FHIT: variants seen among roughly 807,000 people sequenced by gnomAD.
FHIT encodes the protein fragile histidine triad diadenosine triphosphatase.
A neutral mutation model predicts 17.9 loss-of-function variants in FHIT; 19 were observed. The observed-to-expected ratio is 1.06, with a 90% CI of 0.74 to 1.56. FHIT has a LOEUF of 1.56. FHIT is among the 40% of genes most tolerant of loss of function. FHIT has a pLI of 0.00. For synonymous variants in FHIT, 81 were observed against 69.7 expected, an observed-to-expected ratio of 1.16 and a Z score of -0.81; for missense variants, 248 against 189.2, an observed-to-expected ratio of 1.31 and a Z score of -1.82.
chr3:60,557,220 C>T lies in FHIT; in HGVS notation c.-17-20241G>A, dbSNP rs553083099. 5.3e-5 allele frequency among the ~76,000 whole-genome samples: 8 copies of T among 152,228 alleles called. No individual in the cohort carries two copies. In the East Asian group the frequency reaches 9.6e-4, roughly 18 times the overall value. On this transcript the variant is annotated intron_variant, in intron 4 of 9. Coordinates refer to ENST00000492590, the MANE Select transcript of FHIT (RefSeq NM_002012.4). ...TTTAAGTCCCTTGCCCAAGTACACA[C>T]GGAAGCAAGTGATGGAGCCGAGATT...
intron 5 of FHIT, among the ~76,000 whole-genome samples, chr3:60,299,726 C>G (rs756502688): frequency 3.1e-4 from 47 of 152,068 alleles, no homozygotes; most frequent in Non-Finnish European, 6.2e-4. Context: ...AATTCTGGCT[C>G]TCTACTTGGC....
At chr3:60,410,993 G>T (rs1702039600) in intron 5 of FHIT, among the ~76,000 whole-genome samples, 1 of 152,104 alleles carries the variant, frequency 6.6e-6, no homozygotes, top group Admixed American at 6.6e-5. Flanking sequence ...AGAAAAATTG[G>T]AGTAGTGTGC....
intron 5 of FHIT, among the ~76,000 whole-genome samples, chr3:60,117,978 T>G (rs1333034829): frequency 6.6e-6 from 1 of 152,174 alleles, no homozygotes; most frequent in African/African-American, 2.4e-5. Flanking sequence ...TGTTAAAAGA[T>G]GGGATTCTGA....
At chr3:60,754,825 C>A (rs1195815211) in intron 4 of FHIT, among the ~76,000 whole-genome samples, 1 of 152,130 alleles carries the variant, frequency 6.6e-6, no homozygotes, top group Non-Finnish European at 1.5e-5. Flanking sequence ...ATTCATAAAC[C>A]TGACAGTGTC....
rs185976363 is a variant in FHIT at position 60,916,726 on chromosome 3, G to A, written c.-110-94715C>T. 1.2e-3 allele frequency among the ~76,000 whole-genome samples: 183 copies of A among 152,258 alleles called. 1 individual carries two copies. Among genetic ancestry groups the A allele is most frequent in the Non-Finnish European group, 2.0e-3 (133 of 68,014 alleles). On this transcript the variant is annotated intron_variant, in intron 3 of 9. Coordinates refer to ENST00000492590, the MANE Select transcript of FHIT (RefSeq NM_002012.4). ...TACATAACATCAGCTGGAACCCATC[G>A]TTCCAGCATTCTCGCCAAGTGTCAC...
intron 5 of FHIT, among the ~76,000 whole-genome samples, chr3:60,190,697 T>C (rs1702362128): frequency 6.6e-6 from 1 of 152,068 alleles, no homozygotes; most frequent in South Asian, 2.1e-4. Context: ...CACACCAGCA[T>C]GGCACATGTA....
intron 5 of FHIT, among the ~76,000 whole-genome samples, chr3:60,059,200 C>G (rs1272302637): frequency 1.3e-5 from 2 of 152,186 alleles, no homozygotes; most frequent in African/African-American, 2.4e-5. Flanking sequence ...ATAGGAAACA[C>G]CTGTAACTGG....
chr3:61,017,060 G>A (rs1180318582), intron 3 of FHIT, among the ~76,000 whole-genome samples: 1 of 152,216 alleles, frequency 6.6e-6, no homozygotes, highest in Non-Finnish European at 1.5e-5. Flanking sequence ...GCCGAGGTGA[G>A]CAGATCGCCT....
chr3:60,324,307 C>G lies in FHIT; in HGVS notation c.103+212553G>C, dbSNP rs1042891117. On this transcript the variant is annotated intron_variant, in intron 5 of 9. Coordinates refer to ENST00000492590, the MANE Select transcript of FHIT (RefSeq NM_002012.4). ...CCCTCAAGATTCCAGTTACTAAGGC[C>G]GGGCGCGATGGCTCACGCCTGTAAT... 3.5e-5 allele frequency among the ~76,000 whole-genome samples: 5 copies of G among 143,452 alleles called. No individual in the cohort carries two copies. In the East Asian group the frequency reaches 1.1e-3, roughly 30 times the overall value. 94.1% of individuals were successfully genotyped at this position (143,452 alleles called of 152,430 possible).
At chr3:60,714,553 A>G (rs1447040742) in intron 4 of FHIT, among the ~76,000 whole-genome samples, 1 of 152,202 alleles carries the variant, frequency 6.6e-6, no homozygotes, top group East Asian at 1.9e-4. Context: ...TCAGCCCAAA[A>G]TCTCCTTAAG....
chr3:60,884,337 T>C (rs1337227275), intron 3 of FHIT, among the ~76,000 whole-genome samples: 8 of 152,054 alleles, frequency 5.3e-5, no homozygotes, highest in Non-Finnish European at 1.0e-4. Flanking sequence ...ATATCTACAA[T>C]GTGACCCAGC....
intron 8 of FHIT, among the ~76,000 whole-genome samples, chr3:59,790,972 C>A (rs1699531294): frequency 6.6e-6 from 1 of 152,178 alleles, no homozygotes; most frequent in African/African-American, 2.4e-5. Flanking sequence ...CTTCTATTCA[C>A]CCTTCAGGAC....
At chr3:60,431,215 GA>G (rs66778365) in intron 5 of FHIT, among the ~76,000 whole-genome samples, 22,005 of 148,626 alleles carry the variant, frequency 0.15, 1,801 homozygotes, top group Admixed American at 0.26. Context: ...CATCTCAAAA[GA>G]AAAAAAAAAA....
At chr3:60,478,614 G>A (rs1319113547) in intron 5 of FHIT, among the ~76,000 whole-genome samples, 2 of 152,170 alleles carry the variant, frequency 1.3e-5, no homozygotes, top group East Asian at 3.9e-4. Context: ...AGAGCAGCAG[G>A]GTAAGGATGC....
intron 3 of FHIT, among the ~76,000 whole-genome samples, chr3:60,827,202 G>A (rs538648959): frequency 6.6e-6 from 1 of 152,308 alleles, no homozygotes; most frequent in South Asian, 2.1e-4. Flanking sequence ...ATCATGAAGT[G>A]AAAGCCCAAA....
intron 8 of FHIT, among the ~76,000 whole-genome samples, chr3:59,805,252 G>C (rs1700151737): frequency 6.6e-6 from 1 of 152,152 alleles, no homozygotes; most frequent in South Asian, 2.1e-4. Flanking sequence ...TTATCCCCAA[G>C]TTTTCTAATT....
chr3:60,883,529 T>C (rs532597486), intron 3 of FHIT, among the ~76,000 whole-genome samples: 4 of 152,118 alleles, frequency 2.6e-5, no homozygotes, highest in Non-Finnish European at 2.9e-5. Flanking sequence ...CATAGACCAG[T>C]GGAACAGAAC....
chr3:61,145,638 T>C (rs979087636), intron 2 of FHIT, among the ~76,000 whole-genome samples: 1 of 152,090 alleles, frequency 6.6e-6, no homozygotes, highest in Non-Finnish European at 1.5e-5. Context: ...TTAAAAATGT[T>C]AAGTTTTCTG....
At chr3:59,885,014 C>T (rs188014906) in intron 8 of FHIT, among the ~76,000 whole-genome samples, 232 of 152,234 alleles carry the variant, frequency 1.5e-3, no homozygotes, top group Non-Finnish European at 2.4e-3. Context: ...GAAAAATTCA[C>T]CAAAACAAAA....
Sources: allele counts gnomAD v4.1 joint callset (sites outside exome capture counted in the v4.1 genomes callset), GRCh38; gene constraint gnomAD v4.1.1; transcripts MANE v1.5; gene names NCBI Gene and HGNC (gene_info 2026-07-23, HGNC 2026-07-21).